The following CHRNA6 variants were observed in gnomAD, a reference collection of about 807,000 sequenced individuals.
CHRNA6 encodes the protein cholinergic receptor nicotinic alpha 6 subunit, also known as neuronal acetylcholine receptor subunit alpha-6.
CHRNA6 carries 31 observed loss-of-function variants against 40.9 expected under a neutral mutation model. The observed-to-expected ratio is 0.76, with a 90% CI of 0.57 to 1.02. The LOEUF (loss-of-function observed/expected upper bound fraction) is 1.02, where lower values mean the gene tolerates loss of function less well. Ranked by LOEUF, CHRNA6 falls within the 50% of genes least tolerant of loss-of-function variation. CHRNA6 has a pLI of 0.00. For synonymous variants in CHRNA6, 222 were observed against 221.3 expected, an observed-to-expected ratio of 1.00 and a Z score of -0.03; for missense variants, 546 against 596.6, an observed-to-expected ratio of 0.92 and a Z score of 0.88.
intron 2 of CHRNA6, 40 bp downstream of exon 2, chr8:42,765,025 G>A (rs1456017289): frequency 6.3e-7 from 1 of 1,596,690 alleles, no homozygotes; most frequent in East Asian, 2.2e-5. Flanking sequence ...CTGCAAAAGT[G>A]TAACAATGCT....
intron 1 of CHRNA6, among the ~76,000 whole-genome samples, chr8:42,765,651 A>AG (rs1816966536): frequency 6.6e-6 from 1 of 152,234 alleles, no homozygotes; most frequent in Non-Finnish European, 1.5e-5. Context: ...ATCTGTATCT[A>AG]CACCAGCAAG....
At chr8:42,767,491 T>G (rs1462187066) in intron 1 of CHRNA6, among the ~76,000 whole-genome samples, 2 of 152,098 alleles carry the variant, frequency 1.3e-5, no homozygotes, top group Non-Finnish European at 2.9e-5. Flanking sequence ...CACAAATTTC[T>G]CAAAGGGATT....
intron 5 of CHRNA6, among the ~76,000 whole-genome samples, chr8:42,754,968 C>T (rs1434240051): frequency 6.6e-6 from 1 of 151,936 alleles, no homozygotes; most frequent in Non-Finnish European, 1.5e-5. Context: ...CTGCTCCGAA[C>T]TCATTTCTCC....
chr8:42,757,255 A>C (rs1486735460), intron 3 of CHRNA6, among the ~76,000 whole-genome samples: 1 of 151,680 alleles, frequency 6.6e-6, no homozygotes, highest in African/African-American at 2.4e-5. Flanking sequence ...AGTCCCAACT[A>C]CTCGGGAGGC....
At chr8:42,766,984 G>A (rs1816984330) in intron 1 of CHRNA6, among the ~76,000 whole-genome samples, 1 of 152,220 alleles carries the variant, frequency 6.6e-6, no homozygotes, top group South Asian at 2.1e-4. Context: ...TTTTGTTGTT[G>A]AGATGGAGTC....
In CHRNA6 at chr8:42,768,446, G is replaced by A; in HGVS notation, c.-16C>T. 1 of 1,607,342 alleles carries A rather than the reference G, an allele frequency of 6.2e-7. No homozygotes were observed. The highest frequency in any genetic ancestry group is 8.5e-7 in the Non-Finnish European group (1 of 1,174,048). ...TGGTCAGCATGGTTAAAACACACTT[G>A]GATTCCTTTTTCCTAGGCAAAGGAT... On this transcript the variant is annotated 5_prime_UTR_variant, in exon 1 of 6. Transcript: ENST00000276410.
At chr8:42,758,692 C>T (rs983332956) in intron 3 of CHRNA6, among the ~76,000 whole-genome samples, 1 of 152,160 alleles carries the variant, frequency 6.6e-6, no homozygotes, top group Admixed American at 6.5e-5. Flanking sequence ...AAAGGTATAA[C>T]TGATAAAACC....
chr8:42,768,576 G>A lies in CHRNA6; in HGVS notation c.-146C>T, dbSNP rs779430380. 3.5e-5 allele frequency: 21 copies of A among 601,160 alleles called. No homozygotes were observed. The highest frequency in any genetic ancestry group is 3.0e-4 in the South Asian group (14 of 46,430). The allele number at this position is 601,160 out of a possible 1,614,324, so 37.2% of individuals were successfully genotyped here. A position where few individuals can be genotyped will look rare whatever the true frequency, so the allele number is the denominator to read the frequency against. ...TCTTCTCAGAAATCAAAACATCCCC[G>A]GGACTTCACACGGTTATTACCAGGA... On this transcript the variant is annotated 5_prime_UTR_variant, in exon 1 of 6. Transcript: ENST00000276410.
chr8:42,767,025 T>C (rs1816984791), intron 1 of CHRNA6, among the ~76,000 whole-genome samples: 1 of 152,270 alleles, frequency 6.6e-6, no homozygotes. Flanking sequence ...GGTCATGCAG[T>C]GGCATGATCT....
At chr8:42,753,355 C>T (rs1816750116) in intron 5 of CHRNA6, 45 bp from the exon 6 acceptor site, 3 of 1,547,830 alleles carry the variant, frequency 1.9e-6, no homozygotes, top group African/African-American at 2.8e-5. Flanking sequence ...AAAACCAAAA[C>T]CATAAGAAAC....
intron 5 of CHRNA6, among the ~76,000 whole-genome samples, chr8:42,753,561 C>T (rs1427224941): frequency 1.3e-5 from 2 of 152,174 alleles, no homozygotes; most frequent in Non-Finnish European, 2.9e-5. Context: ...GTAGTCCTAG[C>T]TACTCAGGAG....
chr8:42,766,788 G>A (rs538144147), intron 1 of CHRNA6, among the ~76,000 whole-genome samples: 20 of 152,300 alleles, frequency 1.3e-4, no homozygotes, highest in Non-Finnish European at 1.3e-4. Context: ...TGCATGCTGG[G>A]CTTAATACCT....
At chr8:42,759,335 T>G in intron 2 of CHRNA6, 1 of 524,100 alleles carries the variant, frequency 1.9e-6, no homozygotes, top group Non-Finnish European at 3.5e-6. Flanking sequence ...GGCTTTAAAC[T>G]CTTTCATAGC....
chr8:42,756,736 T>TAA lies in CHRNA6; in HGVS notation c.461_462dup (p.Lys155LeufsTer21). 1 of 1,613,798 alleles carries TAA rather than the reference T, an allele frequency of 6.2e-7. No homozygotes were observed. Among genetic ancestry groups the TAA allele is most frequent in the Non-Finnish European group, 8.5e-7 (1 of 1,179,968 alleles). ...GTGATATCCATAGGGCAGGAACTCT[T>TAA]AAAAATAGCTGGTGGAGTCCAGGTT... On this transcript the variant is annotated frameshift_variant, in exon 5 of 6. Coordinates refer to ENST00000276410, the MANE Select transcript of CHRNA6 (RefSeq NM_004198.3). LOFTEE classifies it high-confidence loss of function.
At chr8:42,757,941 A>G (rs1295567991) in intron 3 of CHRNA6, among the ~76,000 whole-genome samples, 1 of 151,766 alleles carries the variant, frequency 6.6e-6, no homozygotes, top group East Asian at 1.9e-4. Flanking sequence ...AGACTGAGGC[A>G]GGAGAATGGT....
intron 1 of CHRNA6, among the ~76,000 whole-genome samples, chr8:42,765,895 G>A (rs1816969808): frequency 6.6e-6 from 1 of 152,174 alleles, no homozygotes; most frequent in Admixed American, 6.5e-5. Context: ...CAGAATGGCA[G>A]TTATTAAAAA....
chr8:42,762,268 C>T (rs1177126564), intron 2 of CHRNA6, among the ~76,000 whole-genome samples: 1 of 152,172 alleles, frequency 6.6e-6, no homozygotes, highest in Non-Finnish European at 1.5e-5. Flanking sequence ...TACACTAAAA[C>T]CTGTACACAA....
intron 2 of CHRNA6, chr8:42,759,493 C>A (rs1816863681): frequency 5.0e-6 from 1 of 201,714 alleles, no homozygotes; most frequent in Admixed American, 5.2e-5. Context: ...GATTCCAACC[C>A]CGCACAGTGT....
Position 42,765,050 on chromosome 8 carries a change from T to C in CHRNA6, c.219+15A>G. ...GTAACAATGCTGGGGAAAGCTCTGA[T>C]CAGAGGGCACTCACCACGTTGGCCA... On this transcript the variant is annotated intron_variant, in intron 2 of 5. Transcript: ENST00000276410. 10 of 1,613,516 alleles carry C rather than the reference T, an allele frequency of 6.2e-6. No homozygotes were observed. The highest frequency in any genetic ancestry group is 7.6e-6 in the Non-Finnish European group (9 of 1,179,614).
Sources: allele counts gnomAD v4.1 joint callset (sites outside exome capture counted in the v4.1 genomes callset), GRCh38; gene constraint gnomAD v4.1.1; transcripts MANE v1.5; gene names NCBI Gene and HGNC (gene_info 2026-07-23, HGNC 2026-07-21).